The following ZNF362 variants were observed in gnomAD, a reference collection of about 807,000 sequenced individuals.
ZNF362 encodes the protein rotund homolog.
ZNF362 carries 11 observed loss-of-function variants against 42.9 expected under a neutral mutation model. The observed-to-expected ratio is 0.26, with a 90% CI of 0.16 to 0.42. The LOEUF (loss-of-function observed/expected upper bound fraction) is 0.42, where lower values mean the gene tolerates loss of function less well. ZNF362 is among the 20% of genes least tolerant of loss of function. ZNF362 has a pLI of 1.00. For missense variants in ZNF362, 362 were observed against 576.2 expected (o/e 0.63, Z 3.81); for synonymous variants, 255 against 257.3 (o/e 0.99, Z 0.09).
the ZNF362 span, among the ~76,000 whole-genome samples, chr1:33,239,310 A>T: frequency 6.6e-6 from 1 of 152,114 alleles, no homozygotes; most frequent in Non-Finnish European, 1.5e-5. Flanking sequence ...AGGGGCCCCA[A>T]ATGTTCCCTC....
the ZNF362 span, among the ~76,000 whole-genome samples, chr1:33,169,379 C>A: frequency 6.6e-6 from 1 of 152,370 alleles, no homozygotes; most frequent in South Asian, 2.1e-4. Context: ...TCTCTCCTCT[C>A]TATGCGTGCT....
chr1:33,218,928 G>A, the ZNF362 span, among the ~76,000 whole-genome samples: 1 of 69,624 alleles, frequency 1.4e-5, no homozygotes, highest in African/African-American at 5.3e-5. Flanking sequence ...CCAGGAGCTG[G>A]ACATACACAC....
chr1:33,225,723 T>C, the ZNF362 span, among the ~76,000 whole-genome samples: 2 of 152,194 alleles, frequency 1.3e-5, no homozygotes, highest in Non-Finnish European at 2.9e-5. Context: ...ATTTATTACC[T>C]CACATAAGTC....
chr1:33,288,675 C>T (rs1481952535), intron 6 of ZNF362, among the ~76,000 whole-genome samples: 4 of 136,094 alleles, frequency 2.9e-5, no homozygotes, highest in South Asian at 2.4e-4. Context: ...ACTGGGGAGG[C>T]GGAGGTTGCA....
intron 2 of ZNF362, among the ~76,000 whole-genome samples, chr1:33,272,364 G>C (rs942899712): frequency 6.6e-6 from 1 of 152,134 alleles, no homozygotes. Context: ...GTTCCCCAGC[G>C]CTGGTCCCAG....
At chr1:33,250,943 G>T in the ZNF362 span, among the ~76,000 whole-genome samples, 1 of 151,814 alleles carries the variant, frequency 6.6e-6, no homozygotes, top group South Asian at 2.1e-4. Context: ...TTTTAGTTCT[G>T]ATCGGAGGTA....
Position 33,266,235 on chromosome 1 carries a change from C to T in ZNF362, c.-88-4252C>T, listed in dbSNP as rs1017548112. On this transcript the variant is annotated intron_variant, in intron 1 of 8. Transcript: ENST00000539719. This position sits in a 1 kb window ranked among gnomAD's most constrained non-coding sequence, Gnocchi z 4.3. Reference sequence around the variant, plus strand: ...GCTTCTGCACATGCTGCCCTTCTGCCGCAGTGGCTCTCCTGGCAAACTCGT... The same window carrying T: ...GCTTCTGCACATGCTGCCCTTCTGCTGCAGTGGCTCTCCTGGCAAACTCGT... 2.6e-5 allele frequency among the ~76,000 whole-genome samples: 4 copies of T among 152,190 alleles called. No homozygotes were observed. Among genetic ancestry groups the T allele is most frequent in the Admixed American group, 6.5e-5 (1 of 15,274 alleles).
chr1:33,202,084 G>A, the ZNF362 span, among the ~76,000 whole-genome samples: 2 of 152,154 alleles, frequency 1.3e-5, no homozygotes, highest in African/African-American at 4.8e-5. Context: ...TAAATAACCT[G>A]AATAGCCCTC....
chr1:33,241,726 G>A, the ZNF362 span, among the ~76,000 whole-genome samples: 3 of 152,010 alleles, frequency 2.0e-5, no homozygotes, highest in South Asian at 2.1e-4. Flanking sequence ...AGAAGATGCC[G>A]GTCTTATGCT....
chr1:33,273,803 T>G (rs558493547), intron 2 of ZNF362, among the ~76,000 whole-genome samples: 1 of 152,328 alleles, frequency 6.6e-6, no homozygotes, highest in South Asian at 2.1e-4. Context: ...AGAATGCCAG[T>G]GGGCACAGAA....
At chr1:33,181,410 TC>T in the ZNF362 span, 1 of 1,601,374 alleles carries the variant, frequency 6.2e-7, no homozygotes, top group Non-Finnish European at 8.5e-7. The surrounding 1 kb of genome is among the most constrained non-coding windows in gnomAD (Gnocchi z 6.5). Flanking sequence ...GCACAGCAGC[TC>T]GTCCTTGAGG....
At chr1:33,203,587 C>G in the ZNF362 span, among the ~76,000 whole-genome samples, 1 of 152,174 alleles carries the variant, frequency 6.6e-6, no homozygotes, top group African/African-American at 2.4e-5. Flanking sequence ...TACATTCCCA[C>G]CAACAGTGTA....
intron 6 of ZNF362, among the ~76,000 whole-genome samples, chr1:33,286,739 C>T (rs1356319304): frequency 6.6e-6 from 1 of 152,148 alleles, no homozygotes; most frequent in Non-Finnish European, 1.5e-5. Flanking sequence ...AAGAAACAAC[C>T]AGATTCCAGA....
At chr1:33,232,735 A>T in the ZNF362 span, among the ~76,000 whole-genome samples, 1 of 152,192 alleles carries the variant, frequency 6.6e-6, no homozygotes, top group Admixed American at 6.5e-5. Flanking sequence ...TCTTGTTATT[A>T]TGTGAGAAAA....
chr1:33,153,937 CACAG>C, the ZNF362 span, among the ~76,000 whole-genome samples: 1 of 152,222 alleles, frequency 6.6e-6, no homozygotes, highest in East Asian at 1.9e-4. Context: ...GAGACAGCCA[CACAG>C]ACAATGACAA....
At chr1:33,192,989 A>ACG in the ZNF362 span, among the ~76,000 whole-genome samples, 1 of 21,642 alleles carries the variant, frequency 4.6e-5, no homozygotes, top group Non-Finnish European at 1.8e-4. Context: ...CCACACACAC[A>ACG]CACACACACA....
At chr1:33,273,033 T>TGG (rs1241640460) in intron 2 of ZNF362, among the ~76,000 whole-genome samples, 2 of 152,382 alleles carry the variant, frequency 1.3e-5, no homozygotes, top group Non-Finnish European at 2.9e-5. Flanking sequence ...TGGCCCTGGC[T>TGG]GTCTTACCCC....
chr1:33,226,467 T>A, the ZNF362 span, among the ~76,000 whole-genome samples: 1 of 152,198 alleles, frequency 6.6e-6, no homozygotes, highest in African/African-American at 2.4e-5. Context: ...AGCTGATGAA[T>A]GGATAAACAA....
the ZNF362 span, among the ~76,000 whole-genome samples, chr1:33,137,319 T>A: frequency 9.9e-5 from 15 of 152,170 alleles, no homozygotes; most frequent in African/African-American, 3.6e-4. Context: ...TGTGTTCTTA[T>A]CAGTAAAAAG....
Sources: allele counts gnomAD v4.1 joint callset (sites outside exome capture counted in the v4.1 genomes callset), GRCh38; gene constraint gnomAD v4.1.1; non-coding constraint Gnocchi (gnomAD v3.1); transcripts MANE v1.5; gene names NCBI Gene and HGNC (gene_info 2026-07-23, HGNC 2026-07-21).